Variants in PBX1 observed in about 807,000 individuals in gnomAD.
PBX1 encodes the protein PBX homeobox 1.
In PBX1, 6 loss-of-function variants were observed where a neutral mutation model predicts 53.4. That is an observed-to-expected ratio of 0.11 (90% CI 0.06 to 0.22). PBX1 has a LOEUF of 0.22. PBX1 is among the 10% of genes least tolerant of loss of function. The pLI, the probability that PBX1 is intolerant of heterozygous loss-of-function variation, is 1.00. For synonymous variants in PBX1, 204 were observed against 212.3 expected, an observed-to-expected ratio of 0.96 and a Z score of 0.34; for missense variants, 251 against 551.4, an observed-to-expected ratio of 0.46 and a Z score of 5.46.
chr1:164,625,841 C>A, intron 2 of PBX1: 12 of 548,470 alleles, frequency 2.2e-5, no homozygotes, highest in Non-Finnish European at 2.6e-5. Flanking sequence ...AAACACCTTA[C>A]ATGAATTATC....
At chr1:164,675,203 G>C (rs1661364470) in intron 2 of PBX1, among the ~76,000 whole-genome samples, 1 of 152,044 alleles carries the variant, frequency 6.6e-6, no homozygotes, top group Admixed American at 6.5e-5. Flanking sequence ...TGGTGAAAAA[G>C]TATAAAACCA....
chr1:164,773,562 T>G (rs1361130929), intron 2 of PBX1, among the ~76,000 whole-genome samples: 1 of 148,214 alleles, frequency 6.7e-6, no homozygotes, highest in Admixed American at 6.7e-5. Context: ...TATGCTGTGA[T>G]TAAATGTGGA....
At chr1:164,631,484 G>T (rs1363909990) in intron 2 of PBX1, among the ~76,000 whole-genome samples, 2 of 152,138 alleles carry the variant, frequency 1.3e-5, no homozygotes, top group Non-Finnish European at 1.5e-5. Context: ...TTTTACTGAG[G>T]TGTAAGGTAC....
At chr1:164,689,083 C>A (rs1206347872) in intron 2 of PBX1, among the ~76,000 whole-genome samples, 2 of 152,198 alleles carry the variant, frequency 1.3e-5, no homozygotes, top group Admixed American at 6.5e-5. Context: ...TTGGGACTCG[C>A]CAAAGTGTTT....
At chr1:164,661,400 C>T (rs1660480541) in intron 2 of PBX1, among the ~76,000 whole-genome samples, 2 of 151,032 alleles carry the variant, frequency 1.3e-5, no homozygotes, top group Admixed American at 1.3e-4. Flanking sequence ...GTCTAGGGAT[C>T]ACCAGCAATT....
chr1:164,866,437 G>A (rs552224594), intron 2 of PBX1, among the ~76,000 whole-genome samples: 12 of 152,306 alleles, frequency 7.9e-5, no homozygotes, highest in African/African-American at 2.6e-4. Flanking sequence ...CAGAATACTT[G>A]GTGACAACAT....
chr1:164,684,044 C>G (rs2102004444), intron 2 of PBX1: 1 of 152,282 alleles, frequency 6.6e-6, no homozygotes, highest in East Asian at 1.9e-4. Context: ...TCTTGAACTC[C>G]TAGCCTCAAA....
intron 2 of PBX1, among the ~76,000 whole-genome samples, chr1:164,572,263 T>C: frequency 6.6e-6 from 1 of 152,072 alleles, no homozygotes; most frequent in African/African-American, 2.4e-5. Context: ...TGGCACTAAG[T>C]TTTGTCTTCA....
intron 3 of PBX1, among the ~76,000 whole-genome samples, chr1:164,796,329 T>A (rs902039): frequency 5.3e-5 from 8 of 152,108 alleles, no homozygotes; most frequent in Middle Eastern, 6.8e-3. Context: ...TTAAGAGCTG[T>A]CATATTATAA....
At chr1:164,568,523 A>G (rs1273835663) in intron 2 of PBX1, among the ~76,000 whole-genome samples, 1 of 152,170 alleles carries the variant, frequency 6.6e-6, no homozygotes. Context: ...GTGTGGTAAG[A>G]TTTAAGGAAT....
intron 2 of PBX1, among the ~76,000 whole-genome samples, chr1:164,598,163 A>C (rs1391519238): frequency 6.6e-6 from 1 of 152,194 alleles, no homozygotes; most frequent in African/African-American, 2.4e-5. Flanking sequence ...AGCAATGTTA[A>C]TCCATTTGTA....
chr1:164,669,820 A>G (rs991175992), intron 2 of PBX1, among the ~76,000 whole-genome samples: 3 of 152,092 alleles, frequency 2.0e-5, no homozygotes, highest in Admixed American at 2.0e-4. Context: ...AGTGTCTATT[A>G]TTGCTTTACT....
At chr1:164,816,664 A>T (rs1304270124) in intron 6 of PBX1, 4 of 152,164 alleles carry the variant, frequency 2.6e-5, no homozygotes, top group Non-Finnish European at 5.9e-5. Context: ...GATAGAGGAT[A>T]ACCATTGTAG....
chr1:164,724,098 T>C (rs1664551703), intron 2 of PBX1, among the ~76,000 whole-genome samples: 1 of 152,188 alleles, frequency 6.6e-6, no homozygotes, highest in Non-Finnish European at 1.5e-5. Context: ...TGATTTTGAT[T>C]TACCCTTCCC....
intron 2 of PBX1, among the ~76,000 whole-genome samples, chr1:164,707,803 G>GC (rs1243326479): frequency 2.6e-5 from 4 of 152,188 alleles, no homozygotes; most frequent in Admixed American, 6.5e-5. Context: ...CTGGGTGTTA[G>GC]CCCCTTAAAG....
rs184564133 is a variant in PBX1, at chr1:164,840,013, G to A, written c.1201-6571G>A. Among the ~76,000 whole-genome samples the A allele has an allele frequency of 1.2e-4, 18 of 152,190 alleles. No homozygotes were observed. The Middle Eastern group carries it at 0.01, about 86-fold the overall frequency. ...GGATTGGCTTCTGGGAAGTACGATG[G>A]CAGGTAGTAGTTGGTGAGCTGAGGT... is the stretch of plus-strand genomic sequence containing the variant. On this transcript the variant is annotated intron_variant, in intron 8 of 8. Transcript: ENST00000420696.
intron 6 of PBX1, chr1:164,818,208 G>A (rs1165189738): frequency 2.6e-5 from 4 of 152,162 alleles, no homozygotes; most frequent in African/African-American, 4.8e-5. Flanking sequence ...ATATCTACAC[G>A]TGAGAATGTG....
chr1:164,842,007 C>T (rs1671322257), intron 8 of PBX1, among the ~76,000 whole-genome samples: 1 of 152,172 alleles, frequency 6.6e-6, no homozygotes, highest in South Asian at 2.1e-4. Flanking sequence ...TAGTGCCAGG[C>T]TTGCTTGGGC....
chr1:164,627,383 G>A (rs958200695), intron 2 of PBX1, among the ~76,000 whole-genome samples: 1 of 152,084 alleles, frequency 6.6e-6, no homozygotes, highest in Non-Finnish European at 1.5e-5. Flanking sequence ...TGTTGGTACC[G>A]ATGTGTGGCC....
Sources: gnomAD v4.1 joint callset for allele counts (sites outside exome capture counted in the v4.1 genomes callset) on GRCh38, gnomAD v4.1.1 for gene constraint, MANE v1.5 for transcripts, NCBI Gene and HGNC (gene_info 2026-07-23, HGNC 2026-07-21) for gene names.